The following OSBP2 variants were observed in gnomAD, a reference collection of about 807,000 sequenced individuals.
The protein encoded by OSBP2 is oxysterol-binding protein 2.
OSBP2 carries 66 observed loss-of-function variants against 96.0 expected under a neutral mutation model. The ratio of observed to expected loss-of-function variants is 0.69; its 90% CI spans 0.56 to 0.84. The LOEUF is 0.84. Among genes scored for constraint, OSBP2 ranks in the 40% least tolerant of loss-of-function variants. The pLI, the probability that OSBP2 is intolerant of heterozygous loss-of-function variation, is 0.00. For missense variants in OSBP2, 1,038 were observed against 1,222.7 expected (o/e 0.85, Z 2.25); for synonymous variants, 525 against 520.9 (o/e 1.01, Z -0.11).
chr22:30,890,625 G>A lies in OSBP2; in HGVS notation c.1624-103G>A. The A allele has an allele frequency of 7.7e-7, 1 of 1,303,646 alleles. No homozygotes were observed. Among genetic ancestry groups the A allele is most frequent in the Middle Eastern group, 2.1e-4 (1 of 4,752 alleles). 80.8% of individuals were successfully genotyped at this position (1,303,646 alleles called of 1,614,324 possible). On this transcript the variant is annotated intron_variant, in intron 7 of 13. Coordinates refer to ENST00000332585, the MANE Select transcript of OSBP2 (RefSeq NM_030758.4). The surrounding 1 kb of genome is among the most constrained non-coding windows in gnomAD (Gnocchi z 4.4). ...CCATCTGAGGAGCCTCACTGTGAAG[G>A]TGCTGTCTGAGCAGGGATGTCCCTG...
rs1347076247 is a variant in OSBP2, at chr22:30,907,333, G to A, written c.*994G>A. ...TTGCCTAATTTATATATATATATAT[G>A]AGATATATAAATATATATAAAATAG... On this transcript the variant is annotated 3_prime_UTR_variant, in exon 14 of 14. Coordinates refer to ENST00000332585, the MANE Select transcript of OSBP2 (RefSeq NM_030758.4). 1 of 150,512 alleles carries A rather than the reference G, an allele frequency of 6.6e-6. No homozygotes were observed. The highest frequency in any genetic ancestry group is 1.5e-5 in the Non-Finnish European group (1 of 67,712). 9.3% of individuals were successfully genotyped at this position (150,512 alleles called of 1,614,324 possible).
At chr22:30,693,792 C>A (rs1198633722), upstream of OSBP2, 1 of 380,956 alleles carries the variant, frequency 2.6e-6, no homozygotes, top group African/African-American at 2.1e-5. Flanking sequence ...CATGGTGAAA[C>A]CCCGTTTCTA....
rs553406259 is a variant in OSBP2, at chr22:30,754,705, C to T, written c.853+13336C>T. Among the ~76,000 whole-genome samples the T allele has an allele frequency of 1.4e-4, 21 of 152,266 alleles. No homozygotes were observed. The South Asian group carries it at 2.9e-3, about 21-fold the overall frequency. ...TGTGTGCTGTGCTGTCCTGCCCCGC[C>T]GGCCTCATCTTGGGGTCTCCATGTG... On this transcript the variant is annotated intron_variant, in intron 2 of 13. Transcript: ENST00000332585.
intron 3 of OSBP2, among the ~76,000 whole-genome samples, chr22:30,874,708 G>A (rs1245017520): frequency 6.6e-6 from 1 of 152,224 alleles, no homozygotes; most frequent in Non-Finnish European, 1.5e-5. Context: ...TCTGGATTGG[G>A]AATCTGGAAC....
rs147913826 is a variant in OSBP2, at chr22:30,829,563, G to A, written c.854-40866G>A. Reference sequence around the variant, plus strand: ...CTGCCAAAGTGCTGGGATTACAGGCGTGAACCAAATCCTCCCAAAGTGCTG... The same window carrying A: ...CTGCCAAAGTGCTGGGATTACAGGCATGAACCAAATCCTCCCAAAGTGCTG... On this transcript the variant is annotated intron_variant, in intron 2 of 13. Coordinates refer to ENST00000332585, the MANE Select transcript of OSBP2 (RefSeq NM_030758.4). Among the ~76,000 whole-genome samples, 25 of 152,294 alleles carry A rather than the reference G, an allele frequency of 1.6e-4. No individual in the cohort carries two copies. In the East Asian group the frequency reaches 4.4e-3, roughly 27 times the overall value.
chr22:30,742,914 AACTGC>A (rs1456860691), intron 2 of OSBP2, among the ~76,000 whole-genome samples: 1 of 152,226 alleles, frequency 6.6e-6, no homozygotes, highest in Non-Finnish European at 1.5e-5. Flanking sequence ...GGTATTGTCA[AACTGC>A]CTTCCACAGG....
At chr22:30,752,681 A>C (rs917118132) in intron 2 of OSBP2, among the ~76,000 whole-genome samples, 1 of 152,144 alleles carries the variant, frequency 6.6e-6, no homozygotes, top group African/African-American at 2.4e-5. Flanking sequence ...AAAAGGTGCC[A>C]CACTCTTAGT....
At position 30,880,842 on chromosome 22, in the gene OSBP2, A is replaced by G. The variant is rs553320030; in HGVS notation, c.1108-6584A>G. Among the ~76,000 whole-genome samples, 91 of 152,296 alleles carry G rather than the reference A, an allele frequency of 6.0e-4. 1 individual carries two copies. The highest frequency in any genetic ancestry group is 2.1e-3 in the African/African-American group (88 of 41,562). ...GTCAGAGATGCTCAATGTCTGTCCC[A>G]TGGGGCACCGGTGACCAGCAGCAAC... On this transcript the variant is annotated intron_variant, in intron 3 of 13. Transcript: ENST00000332585.
At chr22:30,802,708 C>T (rs963245475) in intron 2 of OSBP2, among the ~76,000 whole-genome samples, 7 of 152,240 alleles carry the variant, frequency 4.6e-5, no homozygotes, top group Non-Finnish European at 7.3e-5. Context: ...TGAGGCGTGC[C>T]GGATCCTCCG....
intron 12 of OSBP2, among the ~76,000 whole-genome samples, chr22:30,905,302 C>T (rs984258191): frequency 2.6e-5 from 4 of 151,742 alleles, no homozygotes; most frequent in Non-Finnish European, 4.4e-5. Context: ...CAGGTGCCTG[C>T]CACCATGCCC....
intron 2 of OSBP2, among the ~76,000 whole-genome samples, chr22:30,801,556 C>A (rs1285164352): frequency 6.6e-6 from 1 of 152,210 alleles, no homozygotes; most frequent in Non-Finnish European, 1.5e-5. Context: ...CAATTATTAA[C>A]CTCAACTTGA....
chr22:30,889,065 G>A, intron 5 of OSBP2, 112 bp from the exon 6 acceptor site: 1 of 891,518 alleles, frequency 1.1e-6, no homozygotes, highest in East Asian at 2.6e-5. Flanking sequence ...ACACGGCAGT[G>A]ACCAGGACAT....
Position 30,881,582 on chromosome 22 carries a change from A to G in OSBP2, c.1108-5844A>G. ...CGTTCAGGCCTGGGCTGGGTCAGCC[A>G]GGCCCTCCCTGGGCCCCTGGGAACC... On this transcript the variant is annotated intron_variant, in intron 3 of 13. Transcript: ENST00000332585. The surrounding 1 kb of genome is among the most constrained non-coding windows in gnomAD (Gnocchi z 4.5). The G allele has an allele frequency of 8.7e-7, 1 of 1,142,958 alleles. No individual in the cohort carries two copies. The highest frequency in any genetic ancestry group is 1.4e-5 in the South Asian group (1 of 73,460). 70.8% of individuals were successfully genotyped at this position (1,142,958 alleles called of 1,614,324 possible). A position where few individuals can be genotyped will look rare whatever the true frequency, so the allele number is the denominator to read the frequency against.
In OSBP2 at chr22:30,702,739, C is replaced by T. The variant is rs937037992; in HGVS notation, c.644+7186C>T. On this transcript the variant is annotated intron_variant, in intron 1 of 13. Transcript: ENST00000332585. Reference sequence around the variant, plus strand: ...GTAGCCCCGTACTGATCCAAAGAACCAGGTCTTCCTCCTTTGGGAATTTAC... The same window carrying T: ...GTAGCCCCGTACTGATCCAAAGAACTAGGTCTTCCTCCTTTGGGAATTTAC... Among the ~76,000 whole-genome samples, 3 of 152,228 alleles carry T rather than the reference C, an allele frequency of 2.0e-5. No homozygotes were observed. The East Asian group carries it at 5.8e-4, about 29-fold the overall frequency.
At chr22:30,898,536 A>ATTACCACTGG (rs2147180534) in intron 12 of OSBP2, among the ~76,000 whole-genome samples, 1 of 152,294 alleles carries the variant, frequency 6.6e-6, no homozygotes, top group African/African-American at 2.4e-5. Flanking sequence ...TCATGGCGTA[A>ATTACCACTGG]GGTGAAGGAG....
chr22:30,881,630 G>T lies in OSBP2; in HGVS notation c.1108-5796G>T, dbSNP rs1319234536. On this transcript the variant is annotated intron_variant, in intron 3 of 13. Transcript: ENST00000332585. This position sits in a 1 kb window ranked among gnomAD's most constrained non-coding sequence, Gnocchi z 4.5. Reference sequence around the variant, plus strand: ...ACCTCCCCCTGCCAGTCCCTCTGCCGGGCCCCAAGCCTAATCCAGCTTATC... The same window carrying T: ...ACCTCCCCCTGCCAGTCCCTCTGCCTGGCCCCAAGCCTAATCCAGCTTATC... The T allele has an allele frequency of 7.7e-7, 1 of 1,292,470 alleles. No individual in the cohort carries two copies. The highest frequency in any genetic ancestry group is 1.0e-6 in the Non-Finnish European group (1 of 979,900). 80.1% of individuals were successfully genotyped at this position (1,292,470 alleles called of 1,614,324 possible). A position where few individuals can be genotyped will look rare whatever the true frequency, so the allele number is the denominator to read the frequency against.
At chr22:30,905,697 G>A (rs1262514302) in intron 12 of OSBP2, 140 bp from the exon 13 acceptor site, 24 of 1,318,040 alleles carry the variant, frequency 1.8e-5, no homozygotes, top group Non-Finnish European at 2.4e-5. Flanking sequence ...GTGGGCCCAA[G>A]GCCAGAGGGA....
intron 3 of OSBP2, among the ~76,000 whole-genome samples, chr22:30,874,368 C>G (rs538221686): frequency 6.6e-6 from 1 of 151,984 alleles, no homozygotes; most frequent in Admixed American, 6.5e-5. Context: ...GCCAAGATCA[C>G]GCCACTGCAC....
rs2089005887 is a variant in OSBP2 at position 30,695,257 on chromosome 22, T to A, written c.348T>A (p.Ala116=). ...CAGAGTCAAGCTCAGGTGTAGGGGC[T>A]GGGCCCTTCACTAAGGCCGCATCGG... The part of the protein sequence containing the change: ...PGSESSSGVG[A]GPFTKAASEP... The change falls in exon 1 of 14, where the codon GCT becomes GCA. Residue 116 remains alanine (A), a synonymous_variant. Transcript: ENST00000332585. The A allele has an allele frequency of 1.2e-6, 2 of 1,613,514 alleles. No homozygotes were observed.
Sources: gnomAD v4.1 joint callset for allele counts (sites outside exome capture counted in the v4.1 genomes callset) on GRCh38, gnomAD v4.1.1 for gene constraint, Gnocchi (gnomAD v3.1) non-coding constraint, MANE v1.5 for transcripts, NCBI Gene and HGNC (gene_info 2026-07-23, HGNC 2026-07-21) for gene names.